Variants in ZDHHC17 observed in about 807,000 individuals in gnomAD.
The protein encoded by ZDHHC17 is zDHHC palmitoyltransferase 17.
Under a neutral mutation model 90.3 loss-of-function variants are expected in ZDHHC17, and 40 were observed. The observed-to-expected ratio is 0.44, with a 90% CI of 0.34 to 0.58. ZDHHC17 has a LOEUF of 0.58. ZDHHC17 is among the 20% of genes least tolerant of loss of function. ZDHHC17 has a pLI of 0.01. For missense variants in ZDHHC17, 614 were observed against 780.8 expected (o/e 0.79, Z 2.55); for synonymous variants, 235 against 252.4 (o/e 0.93, Z 0.65).
chr12:76,835,893 T>C (rs1953356922), intron 10 of ZDHHC17, among the ~76,000 whole-genome samples: 1 of 146,248 alleles, frequency 6.8e-6, no homozygotes, highest in Non-Finnish European at 1.5e-5. Flanking sequence ...TTTACTTGGA[T>C]TTTATAAATA....
At chr12:76,835,664 G>A (rs1467004152) in intron 10 of ZDHHC17, among the ~76,000 whole-genome samples, 1 of 151,926 alleles carries the variant, frequency 6.6e-6, no homozygotes, top group Non-Finnish European at 1.5e-5. Context: ...ATGACATGGG[G>A]TAATCATATG....
At chr12:76,777,988 G>T (rs1213567458) in intron 1 of ZDHHC17, among the ~76,000 whole-genome samples, 1 of 152,158 alleles carries the variant, frequency 6.6e-6, no homozygotes, top group Non-Finnish European at 1.5e-5. Flanking sequence ...GTGGGACTAT[G>T]CCTTTTTTAA....
In ZDHHC17 at chr12:76,838,088, G is replaced by GT. The variant is rs202174570; in HGVS notation, c.1142-3886dup. ...AATGGTTTTTGTTTGATCTCAGTCT[G>GT]TTTTTTTTCTAGAATCACGCTTTTC... On this transcript the variant is annotated intron_variant, in intron 10 of 16. Transcript: ENST00000426126. Among the ~76,000 whole-genome samples the GT allele has an allele frequency of 5.2e-4, 78 of 151,266 alleles. 1 individual carries two copies. In the South Asian group the frequency reaches 0.015, roughly 29 times the overall value.
At chr12:76,804,739 C>T (rs746687190) in intron 2 of ZDHHC17, among the ~76,000 whole-genome samples, 65 of 152,292 alleles carry the variant, frequency 4.3e-4, no homozygotes, top group Admixed American at 1.8e-3. Context: ...GGGGGAGGGA[C>T]TTGTGTGCTA....
intron 1 of ZDHHC17, among the ~76,000 whole-genome samples, chr12:76,795,330 A>G (rs1952806267): frequency 6.6e-6 from 1 of 150,880 alleles, no homozygotes; most frequent in South Asian, 2.1e-4. Flanking sequence ...TTTTTTGACA[A>G]CCTCTTTAAC....
In ZDHHC17 at chr12:76,827,075, T is replaced by A. The variant is rs755337162; in HGVS notation, c.1040+25T>A. 3.3e-6 allele frequency: 5 copies of A among 1,538,388 alleles called. No individual in the cohort carries two copies. In the South Asian group the frequency reaches 6.6e-5, roughly 20 times the overall value. On this transcript the variant is annotated intron_variant, in intron 9 of 16. Coordinates refer to ENST00000426126, the MANE Select transcript of ZDHHC17 (RefSeq NM_015336.4). The stretch of plus-strand genomic sequence containing the variant: ...AGTAAGTGTGTTGTTTTTAACTATA[T>A]TTTAAACTGTACATGAAATAATATA...
chr12:76,833,161 C>T (rs761464739), intron 10 of ZDHHC17, among the ~76,000 whole-genome samples: 7 of 152,114 alleles, frequency 4.6e-5, no homozygotes, highest in Non-Finnish European at 1.0e-4. Flanking sequence ...ATTATTTCCC[C>T]ATAAAACACC....
In ZDHHC17 at chr12:76,764,120, G is replaced by A. The variant is rs908225871; in HGVS notation, c.-117G>A. Reference sequence around the variant, plus strand: ...GGGGAGGGGACAGAGGGGGCGTCACGGGGGCAGGAGAAGAAGGAGGAGGAG... The same window carrying A: ...GGGGAGGGGACAGAGGGGGCGTCACAGGGGCAGGAGAAGAAGGAGGAGGAG... On this transcript the variant is annotated 5_prime_UTR_variant, in exon 1 of 17. Coordinates refer to ENST00000426126, the MANE Select transcript of ZDHHC17 (RefSeq NM_015336.4). 20 of 772,770 alleles carry A rather than the reference G, an allele frequency of 2.6e-5. No homozygotes were observed. In the Middle Eastern group the frequency reaches 1.2e-3, roughly 45 times the overall value. The allele number at this position is 772,770 out of a possible 1,614,324, so 47.9% of individuals were successfully genotyped here. A position where few individuals can be genotyped will look rare whatever the true frequency, so the allele number is the denominator to read the frequency against.
intron 1 of ZDHHC17, among the ~76,000 whole-genome samples, chr12:76,772,599 A>G (rs1208874549): frequency 7.4e-6 from 1 of 135,282 alleles, no homozygotes; most frequent in East Asian, 2.5e-4. Flanking sequence ...CAGTGATACA[A>G]TCTCAGCTCA....
intron 1 of ZDHHC17, among the ~76,000 whole-genome samples, chr12:76,788,688 A>ATATTTTTTTTTTTTTT (rs61663401): frequency 0.049 from 4,767 of 98,162 alleles, 1,001 homozygotes; most frequent in East Asian, 0.083. Context: ...TGGAATCGCA[A>ATATTTTTTTTTTTTTT]TTTTTTTTTT....
chr12:76,821,988 C>T (rs7137064), intron 7 of ZDHHC17, among the ~76,000 whole-genome samples: 92,278 of 151,916 alleles, frequency 0.61, 28,096 homozygotes, highest in East Asian at 0.67. Flanking sequence ...CTGAAGACTC[C>T]TATCATTGTT....
intron 1 of ZDHHC17, among the ~76,000 whole-genome samples, chr12:76,788,126 G>A (rs1296752735): frequency 6.6e-6 from 1 of 152,176 alleles, no homozygotes; most frequent in Non-Finnish European, 1.5e-5. Context: ...TACATTGTGG[G>A]TGGGATAGTA....
intron 1 of ZDHHC17, among the ~76,000 whole-genome samples, chr12:76,789,965 T>C (rs970335008): frequency 2.0e-5 from 3 of 152,072 alleles, no homozygotes; most frequent in African/African-American, 7.2e-5. Context: ...AAAAAGAACA[T>C]TGGACAAAAA....
chr12:76,789,384 T>C (rs1453363670), intron 1 of ZDHHC17, among the ~76,000 whole-genome samples: 1 of 152,126 alleles, frequency 6.6e-6, no homozygotes, highest in Non-Finnish European at 1.5e-5. Flanking sequence ...GTGAAGAGAA[T>C]GTTAGGGGAA....
chr12:76,788,688 ATTTTTTTTTTTTT>A (rs763269507), intron 1 of ZDHHC17, among the ~76,000 whole-genome samples: 2 of 98,648 alleles, frequency 2.0e-5, no homozygotes, highest in East Asian at 3.6e-4. Context: ...TGGAATCGCA[ATTTTTTTTTTTTT>A]TTTTTTTTTT....
At chr12:76,782,548 A>G (rs1318032802) in intron 1 of ZDHHC17, among the ~76,000 whole-genome samples, 1 of 152,214 alleles carries the variant, frequency 6.6e-6, no homozygotes, top group Non-Finnish European at 1.5e-5. Flanking sequence ...GTCTAGTGAC[A>G]TCTTGAAAGA....
At chr12:76,809,946 A>G in intron 5 of ZDHHC17, 89 bp downstream of exon 5, 1 of 1,371,610 alleles carries the variant, frequency 7.3e-7, no homozygotes, top group Non-Finnish European at 1.0e-6. Flanking sequence ...CAAGCCGTTG[A>G]TATTTAAATA....
intron 1 of ZDHHC17, among the ~76,000 whole-genome samples, chr12:76,793,740 T>C (rs1952787592): frequency 1.3e-5 from 2 of 152,242 alleles, no homozygotes; most frequent in African/African-American, 4.8e-5. Flanking sequence ...TTTTCTATTA[T>C]ACCAAGCTGC....
At chr12:76,815,835 T>C in intron 6 of ZDHHC17, 22 bp from the exon 7 acceptor site, 1 of 1,219,362 alleles carries the variant, frequency 8.2e-7, no homozygotes, top group Non-Finnish European at 1.1e-6. Context: ...TGTTGTTTGT[T>C]TTTTTTTTTT....
Sources: gnomAD v4.1 joint callset for allele counts (sites outside exome capture counted in the v4.1 genomes callset) on GRCh38, gnomAD v4.1.1 for gene constraint, MANE v1.5 for transcripts, NCBI Gene and HGNC (gene_info 2026-07-23, HGNC 2026-07-21) for gene names.